The following TLE6 variants were observed in gnomAD, a reference collection of about 807,000 sequenced individuals.
TLE6 encodes transducin-like enhancer protein 6.
Under a neutral mutation model 77.1 loss-of-function variants are expected in TLE6, and 72 were observed. The observed-to-expected ratio is 0.93, with a 90% CI of 0.77 to 1.14. TLE6 has a LOEUF of 1.14. TLE6 is among the 50% of genes most tolerant of loss of function. The probability of loss-of-function intolerance (pLI) is 0.00; values close to 1 mark genes in which losing one functional copy is unlikely to be tolerated. For synonymous variants in TLE6, 366 were observed against 287.3 expected (o/e 1.27, Z -2.77); for missense variants, 843 against 747.6 (o/e 1.13, Z -1.49).
intron 13 of TLE6, among the ~76,000 whole-genome samples, chr19:2,991,358 C>CAA (rs1336193754): frequency 5.1e-5 from 3 of 58,760 alleles, no homozygotes; most frequent in Admixed American, 2.1e-4. Context: ...GACTCCATTT[C>CAA]AAAAAAAAAA....
chr19:2,981,583 G>C lies in TLE6; in HGVS notation c.180G>C (p.Ser60=), dbSNP rs1481492007. Residue 60 remains serine (S), a splice_region_variant and synonymous_variant, in exon 4 of 17, where the codon TCG becomes TCC. Coordinates refer to ENST00000246112, the MANE Select transcript of TLE6 (RefSeq NM_001143986.2). ...FAAELESIYY[S]LHKIQQDVAE... is the part of the protein sequence containing the mutation. ...CGGAGTTGGAGAGCATTTACTACTC[G>C]GTGAGCCAGACCCAGGCAGCCCCAA... 1 of 1,551,312 alleles carries C rather than the reference G, an allele frequency of 6.4e-7. No individual in the cohort carries two copies. The highest frequency in any genetic ancestry group is 1.4e-5 in the African/African-American group (1 of 72,990).
chr19:2,989,299 C>T lies in TLE6; in HGVS notation c.979C>T (p.His327Tyr), dbSNP rs747712252. The change falls in exon 12 of 17, where the codon CAC becomes TAC. Residue 327 changes from histidine to tyrosine, a missense_variant. Physicochemically the swap from His to Tyr is moderately conservative, Grantham distance 83. Transcript: ENST00000246112. The part of the protein sequence containing the change: ...QVAEDRFPES[H>Y]LPIQTPGAFL... ...GGCTGAGGACAGGTTCCCTGAGAGC[C>T]ACCTGCCTATACAGGTGAGGACGGC... is the stretch of plus-strand genomic sequence containing the variant. 8.1e-6 allele frequency: 13 copies of T among 1,613,190 alleles called. No homozygotes were observed. The East Asian group carries it at 1.1e-4, about 14-fold the overall frequency.
intron 13 of TLE6, among the ~76,000 whole-genome samples, chr19:2,991,395 T>TATATACACACAC (rs1555686268): frequency 2.6e-5 from 3 of 114,122 alleles, no homozygotes; most frequent in East Asian, 2.3e-4. Context: ...TATATATATA[T>TATATACACACAC]ACACACACAC....
chr19:2,991,835 C>T lies in TLE6; in HGVS notation c.1245-8C>T. On this transcript the variant is annotated splice_polypyrimidine_tract_variant and splice_region_variant and intron_variant, in intron 13 of 16. Transcript: ENST00000246112. ...ACCTGATTGCCTCCCGATGTCCCTTCTGGCCAGGGACCTCAAGGGTTATCC... is the reference window on the plus strand; with the variant it reads ...ACCTGATTGCCTCCCGATGTCCCTTTTGGCCAGGGACCTCAAGGGTTATCC... 2.5e-6 allele frequency: 4 copies of T among 1,613,448 alleles called. No homozygotes were observed. Among genetic ancestry groups the T allele is most frequent in the Non-Finnish European group, 3.4e-6 (4 of 1,179,626 alleles).
intron 5 of TLE6, chr19:2,984,348 C>CA (rs1486209505): frequency 2.0e-5 from 3 of 151,314 alleles, no homozygotes; most frequent in Admixed American, 6.6e-5. Flanking sequence ...AGTCCCCCCC[C>CA]CCCCGCGGGG....
intron 16 of TLE6, among the ~76,000 whole-genome samples, chr19:2,994,480 G>A (rs1362709156): frequency 6.6e-6 from 1 of 152,002 alleles, no homozygotes; most frequent in Non-Finnish European, 1.5e-5. Context: ...CGTGGTGGTG[G>A]GCGCCTGTAG....
chr19:2,988,489 T>G (rs929329232), intron 11 of TLE6, among the ~76,000 whole-genome samples: 4 of 152,038 alleles, frequency 2.6e-5, no homozygotes, highest in Non-Finnish European at 4.4e-5. Context: ...TCCCAGCTAC[T>G]CGGGAGGCTG....
chr19:2,988,237 T>A, intron 11 of TLE6, 109 bp downstream of exon 11: 1 of 1,199,030 alleles, frequency 8.3e-7, no homozygotes, highest in Non-Finnish European at 1.2e-6. Context: ...TGTAAGACTT[T>A]CTTCCCCTTT....
intron 4 of TLE6, 131 bp from the exon 5 acceptor site, chr19:2,982,017 G>T: frequency 1.1e-6 from 1 of 869,606 alleles, no homozygotes; most frequent in Non-Finnish European, 1.8e-6. Context: ...GAAAGTAAAA[G>T]AGAAAACAAG....
chr19:2,980,037 G>T, intron 2 of TLE6, 63 bp from the exon 3 acceptor site: 1 of 1,339,500 alleles, frequency 7.5e-7, no homozygotes, highest in South Asian at 1.3e-5. Context: ...TTGAGGTGGA[G>T]ACCGGGGGTC....
In TLE6 at chr19:2,986,838, G is replaced by A. The variant is rs1028406004; in HGVS notation, c.232G>A (p.Val78Ile). The A allele has an allele frequency of 7.7e-6, 12 of 1,551,724 alleles. No homozygotes were observed. The highest frequency in any genetic ancestry group is 2.7e-5 in the African/African-American group (2 of 73,166). The part of the protein sequence containing the change: ...VAEHHKQIGN[V>I]LQIVESCSQL... ...GCCAACCTCCTTCTAGATAGGAAAC[G>A]TCTTACAGATTGTGGAGAGCTGCAG... The change falls in exon 6 of 17, where the codon GTC (valine) becomes ATC (isoleucine). Residue 78 changes from valine to isoleucine, a missense_variant. Transcript: ENST00000246112.
chr19:2,986,071 CAAAAAAAAAAAAAAAAAAAAAAAAA>C (rs547031586), intron 5 of TLE6, among the ~76,000 whole-genome samples: 3 of 41,246 alleles, frequency 7.3e-5, no homozygotes, highest in Non-Finnish European at 1.5e-4. Context: ...GAGACTGTCT[CAAAAAAAAAAAAAAAAAAAAAAAAA>C]AAAAAAAAAA....
chr19:2,978,976 C>T (rs1474373079), intron 2 of TLE6, among the ~76,000 whole-genome samples: 2 of 151,932 alleles, frequency 1.3e-5, no homozygotes, highest in South Asian at 2.1e-4. Context: ...ATGTTTGAGA[C>T]GGAGTCTCAC....
Position 2,987,010 on chromosome 19 carries a change from G to T in TLE6, c.313G>T (p.Gly105Trp). 6.2e-7 allele frequency: 1 copy of T among 1,613,288 alleles called. No individual in the cohort carries two copies. ...EVSPAEPASP[G>W]TPQQVKDKTL... ...CTCACCTGCTGAACCAGCCAGCCCT[G>T]GGACGCCCCAGCAGGTGAAGGACAA... Residue 105 changes from glycine to tryptophan, a missense_variant, in exon 7 of 17, where the codon GGG (glycine) becomes TGG (tryptophan). By Grantham distance (184) the Gly-to-Trp change is radical. Coordinates refer to ENST00000246112, the MANE Select transcript of TLE6 (RefSeq NM_001143986.2).
chr19:2,995,056 T>TGCC lies in TLE6; in HGVS notation c.*52_*53insGCC. On this transcript the variant is annotated 3_prime_UTR_variant, in exon 17 of 17. Transcript: ENST00000246112. ...CGGCTCCTCTTTTCATCCCCCCCCT[T>TGCC]CCCCCCCCCCAACAAGGGGGACATG... The TGCC allele has an allele frequency of 1.2e-6, 1 of 827,280 alleles. No individual in the cohort carries two copies. Among genetic ancestry groups the TGCC allele is most frequent in the Non-Finnish European group, 1.9e-6 (1 of 533,534 alleles). 51.2% of individuals were successfully genotyped at this position (827,280 alleles called of 1,614,324 possible).
rs1490325250 is a variant in TLE6 at position 2,994,083 on chromosome 19, A to G, written c.1602A>G (p.Thr534=). The G allele has an allele frequency of 1.9e-6, 3 of 1,601,136 alleles. No individual in the cohort carries two copies. The highest frequency in any genetic ancestry group is 1.7e-6 in the Non-Finnish European group (2 of 1,175,506). ...FLGVYSMPAG[T]KVFEVPEMSP... ...GCGTCTACAGCATGCCGGCGGGGACAAAAGTGTTCGAGGTACTGCGGTGGG... is the reference window on the plus strand; with the variant it reads ...GCGTCTACAGCATGCCGGCGGGGACGAAAGTGTTCGAGGTACTGCGGTGGG... The change falls in exon 16 of 17, where the codon ACA becomes ACG. Residue 534 remains threonine, a synonymous_variant. Coordinates refer to ENST00000246112, the MANE Select transcript of TLE6 (RefSeq NM_001143986.2).
At chr19:2,987,877 C>G (rs1226748964) in intron 9 of TLE6, 21 bp from the exon 10 acceptor site, 1 of 1,611,674 alleles carries the variant, frequency 6.2e-7, no homozygotes, top group South Asian at 1.1e-5. Flanking sequence ...AGCCGCTTAG[C>G]CCCTCTTGTC....
chr19:2,983,339 G>C (rs2088837731), intron 5 of TLE6, among the ~76,000 whole-genome samples: 1 of 152,188 alleles, frequency 6.6e-6, no homozygotes, highest in South Asian at 2.1e-4. Flanking sequence ...AGGGGATGAG[G>C]GCTGGGCAAG....
intron 13 of TLE6, among the ~76,000 whole-genome samples, chr19:2,991,578 G>A (rs2089065713): frequency 6.6e-6 from 1 of 150,820 alleles, no homozygotes; most frequent in South Asian, 2.1e-4. Context: ...CTCAGAGCTC[G>A]GGTGGACTCA....
Sources: allele counts gnomAD v4.1 joint callset (sites outside exome capture counted in the v4.1 genomes callset), GRCh38; gene constraint gnomAD v4.1.1; transcripts MANE v1.5; gene names NCBI Gene and HGNC (gene_info 2026-07-23, HGNC 2026-07-21).